Variants in GRM3 observed in about 807,000 individuals in gnomAD.
GRM3 encodes glutamate metabotropic receptor 3.
In GRM3, 26 loss-of-function variants were observed where a neutral mutation model predicts 70.5. The ratio of observed to expected loss-of-function variants is 0.37; its 90% CI spans 0.27 to 0.51. The LOEUF (loss-of-function observed/expected upper bound fraction) is 0.51, where lower values mean the gene tolerates loss of function less well. GRM3 is among the 20% of genes least tolerant of loss of function. The pLI, the probability that GRM3 is intolerant of heterozygous loss-of-function variation, is 0.93. For synonymous variants in GRM3, 443 were observed against 434.9 expected, an observed-to-expected ratio of 1.02 and a Z score of -0.23; for missense variants, 859 against 1,123.8, an observed-to-expected ratio of 0.76 and a Z score of 3.37.
chr7:86,748,181 C>T (rs1796150118), intron 1 of GRM3, among the ~76,000 whole-genome samples: 1 of 152,002 alleles, frequency 6.6e-6, no homozygotes, highest in South Asian at 2.1e-4. Context: ...AGAGCATACA[C>T]TTTATGTTTC....
At chr7:86,852,933 C>A (rs1461904191) in intron 5 of GRM3, among the ~76,000 whole-genome samples, 1 of 152,090 alleles carries the variant, frequency 6.6e-6, no homozygotes, top group Non-Finnish European at 1.5e-5. Flanking sequence ...GATTTCCTGA[C>A]TTTCAATTAA....
chr7:86,719,417 T>C (rs990114159), intron 1 of GRM3, among the ~76,000 whole-genome samples: 1 of 152,002 alleles, frequency 6.6e-6, no homozygotes, highest in African/African-American at 2.4e-5. Flanking sequence ...AAGTCACATG[T>C]GGACCTACTC....
chr7:86,836,853 G>C (rs1798466781), intron 3 of GRM3, among the ~76,000 whole-genome samples: 2 of 152,102 alleles, frequency 1.3e-5, no homozygotes, highest in Admixed American at 6.6e-5. Context: ...GAGTCAGAAA[G>C]GTCCTTGCTG....
intron 5 of GRM3, among the ~76,000 whole-genome samples, chr7:86,853,855 C>T (rs757727890): frequency 6.6e-6 from 1 of 152,040 alleles, no homozygotes; most frequent in African/African-American, 2.4e-5. Context: ...ATGAGGCTGA[C>T]GTTCTTTCAT....
Position 86,644,714 on chromosome 7 carries a change from A to C in GRM3, c.-299A>C. ...ACAAGTTGGCCATTTCGAGGGCAAA[A>C]TAAGTTCTCCCTTGGATTTGGAAAG... On this transcript the variant is annotated 5_prime_UTR_variant, in exon 1 of 6. Transcript: ENST00000361669. The C allele has an allele frequency of 9.1e-7, 1 of 1,094,990 alleles. No homozygotes were observed. The highest frequency in any genetic ancestry group is 1.2e-6 in the Non-Finnish European group (1 of 810,684). 67.8% of individuals were successfully genotyped at this position (1,094,990 alleles called of 1,614,324 possible). A position where few individuals can be genotyped will look rare whatever the true frequency, so the allele number is the denominator to read the frequency against.
At chr7:86,666,527 C>T (rs1434510233) in intron 1 of GRM3, among the ~76,000 whole-genome samples, 2 of 152,038 alleles carry the variant, frequency 1.3e-5, no homozygotes, top group East Asian at 1.9e-4. Context: ...CTATCCCTCT[C>T]TGGAAGTTAC....
intron 1 of GRM3, among the ~76,000 whole-genome samples, chr7:86,675,921 A>G (rs1349049521): frequency 1.3e-5 from 2 of 152,064 alleles, no homozygotes; most frequent in Non-Finnish European, 1.5e-5. Flanking sequence ...CTTTAAAACT[A>G]TCTTTATTCT....
In GRM3 at chr7:86,759,903, T is replaced by C. The variant is rs113554312; in HGVS notation, c.-140-5103T>C. ...GCATATCTCCTATTAAAAATGCCAA[T>C]ATAGCTACAGCGTCTGTTTGTTTAC... On this transcript the variant is annotated intron_variant, in intron 1 of 5. Transcript: ENST00000361669. Among the ~76,000 whole-genome samples the C allele has an allele frequency of 4.6e-5, 7 of 152,254 alleles. 1 individual carries two copies. The highest frequency in any genetic ancestry group is 1.7e-4 in the African/African-American group (7 of 41,562).
chr7:86,798,173 C>T (rs1056156542), intron 3 of GRM3, among the ~76,000 whole-genome samples: 2 of 152,174 alleles, frequency 1.3e-5, no homozygotes, highest in Non-Finnish European at 2.9e-5. Context: ...GATTCCCCAT[C>T]TGGGGACTGC....
chr7:86,653,038 A>G (rs574297262), intron 1 of GRM3, among the ~76,000 whole-genome samples: 1 of 152,360 alleles, frequency 6.6e-6, no homozygotes, highest in Admixed American at 6.5e-5. Flanking sequence ...AGCTTAAACA[A>G]CAAACATTTA....
intron 1 of GRM3, 194 bp downstream of exon 1, chr7:86,645,066 T>C (rs900929423): frequency 2.6e-5 from 9 of 350,276 alleles, no homozygotes; most frequent in South Asian, 6.3e-5. Flanking sequence ...TTTGTGTGTG[T>C]GCGCCCACGT....
intron 1 of GRM3, among the ~76,000 whole-genome samples, chr7:86,736,590 G>A (rs1047882752): frequency 5.3e-5 from 8 of 152,150 alleles, no homozygotes; most frequent in South Asian, 2.1e-4. Flanking sequence ...AAAGAGACCA[G>A]GTGCTTTCCA....
chr7:86,713,314 A>G (rs1795241756), intron 1 of GRM3, among the ~76,000 whole-genome samples: 1 of 151,938 alleles, frequency 6.6e-6, no homozygotes, highest in African/African-American at 2.4e-5. Context: ...TGCTCATTTT[A>G]AAGTCAGATT....
At chr7:86,707,047 T>C (rs1275053616) in intron 1 of GRM3, among the ~76,000 whole-genome samples, 1 of 152,102 alleles carries the variant, frequency 6.6e-6, no homozygotes, top group African/African-American at 2.4e-5. Flanking sequence ...ATTAGACCGA[T>C]AGCAAGAGTA....
At chr7:86,835,887 C>G (rs1370218112) in intron 3 of GRM3, among the ~76,000 whole-genome samples, 1 of 152,136 alleles carries the variant, frequency 6.6e-6, no homozygotes, top group Non-Finnish European at 1.5e-5. Context: ...GCTGGGATAA[C>G]AGATATGAGC....
intron 5 of GRM3, among the ~76,000 whole-genome samples, chr7:86,856,481 A>G (rs1396556395): frequency 6.6e-6 from 1 of 151,946 alleles, no homozygotes; most frequent in Non-Finnish European, 1.5e-5. Flanking sequence ...AGTCCACAGA[A>G]AAGATAACTA....
intron 1 of GRM3, among the ~76,000 whole-genome samples, chr7:86,725,819 A>G (rs1172491780): frequency 6.6e-6 from 1 of 152,156 alleles, no homozygotes; most frequent in Non-Finnish European, 1.5e-5. Context: ...AGTTCTTATA[A>G]GGGCCATCCG....
At chr7:86,819,138 G>A (rs1272327006) in intron 3 of GRM3, among the ~76,000 whole-genome samples, 1 of 152,006 alleles carries the variant, frequency 6.6e-6, no homozygotes, top group Non-Finnish European at 1.5e-5. Flanking sequence ...AATTATCACA[G>A]CCAGAGATGC....
rs575788103 is a variant in GRM3 at position 86,772,098 on chromosome 7, A to G, written c.468+6485A>G. On this transcript the variant is annotated intron_variant, in intron 2 of 5. Transcript: ENST00000361669. ...TTGCATATTTATTCTTCCATGAACT[A>G]TAAGCCACTTGAGTTTAAGAACCAC... 3.9e-5 allele frequency among the ~76,000 whole-genome samples: 6 copies of G among 152,248 alleles called. No homozygotes were observed. The South Asian group carries it at 1.0e-3, about 26-fold the overall frequency.
Sources: allele counts gnomAD v4.1 joint callset (sites outside exome capture counted in the v4.1 genomes callset), GRCh38; gene constraint gnomAD v4.1.1; transcripts MANE v1.5; gene names NCBI Gene and HGNC (gene_info 2026-07-23, HGNC 2026-07-21).